Variants in KIAA1614 observed in about 807,000 individuals in gnomAD.
The protein encoded by KIAA1614 is KIAA1614.
KIAA1614 carries 76 observed loss-of-function variants against 88.7 expected under a neutral mutation model. That is an observed-to-expected ratio of 0.86 (90% CI 0.71 to 1.04). The LOEUF (loss-of-function observed/expected upper bound fraction) is 1.04, where lower values mean the gene tolerates loss of function less well. KIAA1614 is among the 50% of genes least tolerant of loss of function. KIAA1614 has a pLI of 0.00. For missense variants in KIAA1614, 1,553 were observed against 1,582.5 expected, an observed-to-expected ratio of 0.98 and a Z score of 0.32; for synonymous variants, 714 against 675.5, an observed-to-expected ratio of 1.06 and a Z score of -0.88.
rs540078812 is a variant in KIAA1614 at position 180,913,125 on chromosome 1, G to A, written c.-119G>A. ...CCCCCAGTCGGCCGCGCCCCGAGGG[G>A]CGAGGCCTGCGGGCCGCACTCCCTC... On this transcript the variant is annotated 5_prime_UTR_variant, in exon 1 of 9. Transcript: ENST00000367588. The A allele has an allele frequency of 1.9e-4, 140 of 743,046 alleles. No individual in the cohort carries two copies. The African/African-American group carries it at 2.3e-3, about 12-fold the overall frequency. The allele number at this position is 743,046 out of a possible 1,614,324, so 46.0% of individuals were successfully genotyped here.
At chr1:180,923,758 G>A (rs980590524) in intron 3 of KIAA1614, among the ~76,000 whole-genome samples, 3 of 151,974 alleles carry the variant, frequency 2.0e-5, no homozygotes, top group African/African-American at 4.8e-5. Flanking sequence ...GGCTGAGTGC[G>A]GGAGAAGAGA....
chr1:180,941,112 A>C lies in KIAA1614; in HGVS notation c.2986A>C (p.Arg996=), dbSNP rs749999086. ...SAAPLDQNKK[R]SSSIASTLGL... is the part of the protein sequence containing the mutation. ...TGCCCCTTTGGACCAGAACAAGAAAAGGAGCAGCAGCATAGCCTCCACCCT... is the reference window on the plus strand; with the variant it reads ...TGCCCCTTTGGACCAGAACAAGAAACGGAGCAGCAGCATAGCCTCCACCCT... The change falls in exon 7 of 9, where the codon AGG becomes CGG. Residue 996 remains arginine, a synonymous_variant. Coordinates refer to ENST00000367588, the MANE Select transcript of KIAA1614 (RefSeq NM_020950.2). The C allele has an allele frequency of 5.0e-6, 8 of 1,613,286 alleles. 1 individual carries two copies. The South Asian group carries it at 8.8e-5, about 18-fold the overall frequency.
Position 180,916,647 on chromosome 1 carries a change from A to AG in KIAA1614, c.549dup (p.Ser184GlufsTer13), listed in dbSNP as rs750203292. 6.2e-7 allele frequency: 1 copy of AG among 1,601,348 alleles called. No homozygotes were observed. The highest frequency in any genetic ancestry group is 1.7e-5 in the Admixed American group (1 of 59,226). ...TGCCCCTGGACGTGAGTACTGCAACAGGGGGAGCCCGTGGCCTCCAGAAGC... is the reference window on the plus strand; with the variant it reads ...TGCCCCTGGACGTGAGTACTGCAACAGGGGGGAGCCCGTGGCCTCCAGAAGC... On this transcript the variant is annotated frameshift_variant, in exon 2 of 9. Transcript: ENST00000367588. LOFTEE classifies it high-confidence loss of function.
rs141862333 is a variant in KIAA1614 at position 180,917,169 on chromosome 1, C to T, written c.997+69C>T. On this transcript the variant is annotated intron_variant, in intron 2 of 8. Transcript: ENST00000367588. ...GGAATCCAGAGGGAGGAAAAGGGGACGAGGGGGTCCCACAGAGGGAGTGGG... is the reference window on the plus strand; with the variant it reads ...GGAATCCAGAGGGAGGAAAAGGGGATGAGGGGGTCCCACAGAGGGAGTGGG... The T allele has an allele frequency of 5.9e-4, 737 of 1,257,262 alleles. 5 individuals are homozygous for T. The highest frequency in any genetic ancestry group is 4.4e-3 in the East Asian group (178 of 40,684). The allele number at this position is 1,257,262 out of a possible 1,614,324, so 77.9% of individuals were successfully genotyped here. A position where few individuals can be genotyped will look rare whatever the true frequency, so the allele number is the denominator to read the frequency against.
Position 180,947,873 on chromosome 1 carries a change from T to C in KIAA1614, c.*2285T>C, listed in dbSNP as rs1654629072. 6.6e-6 allele frequency: 1 copy of C among 152,210 alleles called. No individual in the cohort carries two copies. The highest frequency in any genetic ancestry group is 2.1e-4 in the South Asian group (1 of 4,828). The allele number at this position is 152,210 out of a possible 1,614,324, so 9.4% of individuals were successfully genotyped here. ...TTCCCTCCCCTTCAGAAAGAGAAAGTCTGGGGAAGAGAACCCCAGACAGGG... is the reference window on the plus strand; with the variant it reads ...TTCCCTCCCCTTCAGAAAGAGAAAGCCTGGGGAAGAGAACCCCAGACAGGG... On this transcript the variant is annotated 3_prime_UTR_variant, in exon 9 of 9. Transcript: ENST00000367588.
intron 3 of KIAA1614, among the ~76,000 whole-genome samples, chr1:180,918,271 G>A (rs755665009): frequency 9.2e-5 from 14 of 152,286 alleles, no homozygotes; most frequent in Middle Eastern, 3.4e-3. Context: ...TTGTGAGGCC[G>A]AAGTGAGATC....
At chr1:180,939,757 C>T (rs79141679) in intron 6 of KIAA1614, among the ~76,000 whole-genome samples, 2 of 152,362 alleles carry the variant, frequency 1.3e-5, no homozygotes, top group Non-Finnish European at 2.9e-5. Flanking sequence ...TTGAAGTAGA[C>T]TTCACACCCC....
intron 3 of KIAA1614, among the ~76,000 whole-genome samples, chr1:180,919,338 A>AC: frequency 6.6e-6 from 1 of 151,320 alleles, no homozygotes; most frequent in Non-Finnish European, 1.5e-5. Context: ...CTCTTCCCCT[A>AC]CCTCCCTGGC....
chr1:180,942,273 C>T (rs1409380018), intron 7 of KIAA1614, among the ~76,000 whole-genome samples: 1 of 152,198 alleles, frequency 6.6e-6, no homozygotes, highest in Admixed American at 6.5e-5. Context: ...GGGTGGGACG[C>T]GCAGGGCAGC....
In KIAA1614 at chr1:180,950,090, A is replaced by T. The variant is rs1654699122; in HGVS notation, c.*4502A>T. The T allele has an allele frequency of 6.5e-6, 1 of 153,484 alleles. No individual in the cohort carries two copies. The highest frequency in any genetic ancestry group is 1.5e-5 in the Non-Finnish European group (1 of 68,818). 9.5% of individuals were successfully genotyped at this position (153,484 alleles called of 1,614,324 possible). A position where few individuals can be genotyped will look rare whatever the true frequency, so the allele number is the denominator to read the frequency against. On this transcript the variant is annotated 3_prime_UTR_variant, in exon 9 of 9. Transcript: ENST00000367588. ...TTTGCACTAGGAGCATTTCCACTTTAAAAGCAGAGACAGTGGAATGGAGTT... is the reference window on the plus strand; with the variant it reads ...TTTGCACTAGGAGCATTTCCACTTTTAAAGCAGAGACAGTGGAATGGAGTT...
At chr1:180,937,821 T>A (rs1341212027) in intron 5 of KIAA1614, among the ~76,000 whole-genome samples, 4 of 152,136 alleles carry the variant, frequency 2.6e-5, no homozygotes, top group Non-Finnish European at 4.4e-5. Context: ...GAGTGGCGAT[T>A]TCCTTCTCTG....
rs1654297189 is a variant in KIAA1614 at position 180,935,364 on chromosome 1, G to C, written c.1455G>C (p.Gln485His). 6.8e-7 allele frequency: 1 copy of C among 1,465,422 alleles called. No individual in the cohort carries two copies. Among genetic ancestry groups the C allele is most frequent in the Non-Finnish European group, 9.0e-7 (1 of 1,114,220 alleles). 90.8% of individuals were successfully genotyped at this position (1,465,422 alleles called of 1,614,324 possible). A position where few individuals can be genotyped will look rare whatever the true frequency, so the allele number is the denominator to read the frequency against. Reference sequence around the variant, plus strand: ...GCACCGTGTTGCAGGCCGCGGACCAGGGCCCCCTGCGCTCCAAGCCCGACC... The same window carrying C: ...GCACCGTGTTGCAGGCCGCGGACCACGGCCCCCTGCGCTCCAAGCCCGACC... Reference protein sequence around the residue: ...VLSTVLQAADQGPLRSKPDLA... With the variant: ...VLSTVLQAADHGPLRSKPDLA... The change falls in exon 5 of 9, where the codon CAG becomes CAC. Residue 485 changes from glutamine (Q) to histidine (H), a missense_variant. Transcript: ENST00000367588. The surrounding 1 kb of genome is among the most constrained non-coding windows in gnomAD (Gnocchi z 6.1).
chr1:180,935,994 C>A lies in KIAA1614; in HGVS notation c.2085C>A (p.His695Gln). The change falls in exon 5 of 9, where the codon CAC becomes CAA. Residue 695 changes from histidine to glutamine, a missense_variant. By Grantham distance (24) the His-to-Gln change is conservative (BLOSUM62 0). Transcript: ENST00000367588. This position sits in a 1 kb window ranked among gnomAD's most constrained non-coding sequence, Gnocchi z 6.1. ...ATGAGGTGAAAGAGGGCAGAGGACA[C>A]ACGCCTGAAGGAACTCTATTTTTGA... Reference protein sequence around the residue: ...VENEVKEGRGHTPEGTLFLRE... With the variant: ...VENEVKEGRGQTPEGTLFLRE... The A allele has an allele frequency of 1.2e-6, 2 of 1,614,096 alleles. No individual in the cohort carries two copies. Among genetic ancestry groups the A allele is most frequent in the Non-Finnish European group, 1.7e-6 (2 of 1,179,916 alleles).
At position 180,935,843 on chromosome 1, in the gene KIAA1614, C is replaced by A; in HGVS notation, c.1934C>A (p.Pro645Gln). ...TGTGGGCGGACCCAAGGCAGCAGCC[C>A]GCGACTGCGACTGCGGGGCTCCAGG... ...WACGRTQGSSPRLRLRGSRPR... is the reference protein window; with the variant it reads ...WACGRTQGSSQRLRLRGSRPR... The change falls in exon 5 of 9, where the codon CCG (proline) becomes CAG (glutamine). Residue 645 changes from proline to glutamine, a missense_variant. Physicochemically the swap from Pro to Gln is moderately conservative, Grantham distance 76. Transcript: ENST00000367588. The surrounding 1 kb of genome is among the most constrained non-coding windows in gnomAD (Gnocchi z 6.1). 1 of 1,613,612 alleles carries A rather than the reference C, an allele frequency of 6.2e-7. No homozygotes were observed. The highest frequency in any genetic ancestry group is 8.5e-7 in the Non-Finnish European group (1 of 1,179,896).
At chr1:180,932,925 G>A (rs543343869) in intron 4 of KIAA1614, among the ~76,000 whole-genome samples, 13 of 152,258 alleles carry the variant, frequency 8.5e-5, no homozygotes, top group Admixed American at 2.6e-4. Context: ...ATTTTTAGTA[G>A]AGACAGGGTT....
intron 4 of KIAA1614, among the ~76,000 whole-genome samples, chr1:180,929,365 G>A (rs1654143340): frequency 6.6e-6 from 1 of 152,186 alleles, no homozygotes; most frequent in Non-Finnish European, 1.5e-5. Flanking sequence ...TGTGTGTTTG[G>A]TGGGGCCTCA....
chr1:180,938,459 T>C (rs1654379286), intron 5 of KIAA1614, 96 bp from the exon 6 acceptor site: 7 of 1,387,428 alleles, frequency 5.0e-6, no homozygotes, highest in Non-Finnish European at 6.9e-6. Flanking sequence ...TCCAGCTTCT[T>C]CTCACCCTCC....
At chr1:180,928,923 C>T (rs556878559) in intron 4 of KIAA1614, among the ~76,000 whole-genome samples, 5 of 152,272 alleles carry the variant, frequency 3.3e-5, no homozygotes, top group African/African-American at 1.2e-4. Context: ...TTAACTCCAC[C>T]TGGAAAGGAC....
At position 180,916,301 on chromosome 1, in the gene KIAA1614, C is replaced by A. The variant is rs756887517; in HGVS notation, c.198C>A (p.Ala66=). The change falls in exon 2 of 9, where the codon GCC becomes GCA. Residue 66 remains alanine, a synonymous_variant. Coordinates refer to ENST00000367588, the MANE Select transcript of KIAA1614 (RefSeq NM_020950.2). ...AAAACAGAACATCCAGCCTGATGGCCCCCCAGCCTCCCAGGGTATGGGGAG... is the reference window on the plus strand; with the variant it reads ...AAAACAGAACATCCAGCCTGATGGCACCCCAGCCTCCCAGGGTATGGGGAG... The part of the protein sequence containing the change: ...PQENRTSSLM[A]PQPPRVWGVQ... The A allele has an allele frequency of 1.2e-6, 2 of 1,613,924 alleles. No individual in the cohort carries two copies. The highest frequency in any genetic ancestry group is 2.2e-5 in the South Asian group (2 of 91,056).
Sources: gnomAD v4.1 joint callset for allele counts (sites outside exome capture counted in the v4.1 genomes callset) on GRCh38, gnomAD v4.1.1 for gene constraint, Gnocchi (gnomAD v3.1) non-coding constraint, MANE v1.5 for transcripts, NCBI Gene and HGNC (gene_info 2026-07-23, HGNC 2026-07-21) for gene names.